Variants in FRMD6 observed in about 807,000 individuals in gnomAD.
The protein encoded by FRMD6 is FERM domain containing 6, also known as FERM domain-containing protein 6.
In FRMD6, 37 loss-of-function variants were observed where a neutral mutation model predicts 73.2. The observed-to-expected ratio is 0.51, with a 90% CI of 0.39 to 0.66. The LOEUF is 0.66. FRMD6 is among the 30% of genes least tolerant of loss of function. The pLI is 0.00. For missense variants in FRMD6, 714 were observed against 780.5 expected, an observed-to-expected ratio of 0.91 and a Z score of 1.02; for synonymous variants, 273 against 282.2, an observed-to-expected ratio of 0.97 and a Z score of 0.33.
chr14:51,626,826 A>G (rs1891133282), intron 2 of FRMD6, among the ~76,000 whole-genome samples: 1 of 152,198 alleles, frequency 6.6e-6, no homozygotes, highest in South Asian at 2.1e-4. Context: ...CTTCAGAGTC[A>G]TTGTGAAGAT....
At chr14:51,511,614 T>C (rs1248978011) in intron 1 of FRMD6, among the ~76,000 whole-genome samples, 1 of 152,064 alleles carries the variant, frequency 6.6e-6, no homozygotes, top group Non-Finnish European at 1.5e-5. Context: ...AAAAGATTGA[T>C]TAAGAACACA....
chr14:51,517,092 T>C (rs1331549398), intron 1 of FRMD6, among the ~76,000 whole-genome samples: 2 of 152,262 alleles, frequency 1.3e-5, no homozygotes, highest in East Asian at 1.9e-4. Context: ...AGCTTTGTTG[T>C]ATACTTTAAG....
chr14:51,436,280 G>T, the FRMD6 span: 1 of 368,408 alleles, frequency 2.7e-6, no homozygotes, highest in South Asian at 3.1e-5. Flanking sequence ...AATTTTCTCA[G>T]AAGAGGTCAG....
intron 2 of FRMD6, among the ~76,000 whole-genome samples, chr14:51,634,035 A>G (rs1377478672): frequency 6.6e-6 from 1 of 152,236 alleles, no homozygotes; most frequent in African/African-American, 2.4e-5. Context: ...TGCAAAAAGC[A>G]GATCAACGAC....
At chr14:51,518,213 G>A (rs193191165) in intron 1 of FRMD6, among the ~76,000 whole-genome samples, 4 of 152,288 alleles carry the variant, frequency 2.6e-5, no homozygotes, top group Middle Eastern at 3.4e-3. Context: ...GAATCAAAGT[G>A]TACCATGAAG....
At chr14:51,702,480 A>T in intron 4 of FRMD6, 32 bp from the exon 5 acceptor site, 1 of 1,580,600 alleles carries the variant, frequency 6.3e-7, no homozygotes, top group Non-Finnish European at 8.6e-7. Context: ...AACTAGAAAT[A>T]GCTTGATTTT....
chr14:51,693,775 G>A (rs1481644675), intron 2 of FRMD6, among the ~76,000 whole-genome samples: 1 of 152,106 alleles, frequency 6.6e-6, no homozygotes, highest in Non-Finnish European at 1.5e-5. Context: ...TTATTTCAGG[G>A]CAGGTCTAAG....
At chr14:51,580,747 A>G (rs1031845973) in intron 2 of FRMD6, among the ~76,000 whole-genome samples, 4 of 152,226 alleles carry the variant, frequency 2.6e-5, no homozygotes, top group African/African-American at 9.6e-5. Flanking sequence ...AAGAGGAAAG[A>G]TAGTTAAAAG....
At chr14:51,596,845 G>A (rs1889744874) in intron 2 of FRMD6, among the ~76,000 whole-genome samples, 1 of 152,186 alleles carries the variant, frequency 6.6e-6, no homozygotes, top group Non-Finnish European at 1.5e-5. Flanking sequence ...GAGAAGCCAT[G>A]CAATGACCAG....
chr14:51,633,621 A>AAAG (rs143710280), intron 2 of FRMD6, among the ~76,000 whole-genome samples: 26,809 of 98,152 alleles, frequency 0.27, 5,653 homozygotes, highest in Non-Finnish European at 0.34. Flanking sequence ...AAAAAAAAAA[A>AAAG]GAAATAATTA....
chr14:51,700,830 A>T (rs886349828), intron 3 of FRMD6, among the ~76,000 whole-genome samples: 1 of 151,946 alleles, frequency 6.6e-6, no homozygotes, highest in African/African-American at 2.4e-5. Context: ...ATATACTTTA[A>T]TAGTATGTGT....
In FRMD6 at chr14:51,728,557, G is replaced by A. The variant is rs1898109777; in HGVS notation, c.*528G>A. 1 of 157,298 alleles carries A rather than the reference G, an allele frequency of 6.4e-6. No homozygotes were observed. Among genetic ancestry groups the A allele is most frequent in the Non-Finnish European group, 1.4e-5 (1 of 70,456 alleles). The allele number at this position is 157,298 out of a possible 1,614,324, so 9.7% of individuals were successfully genotyped here. ...GTCCCAAAGTGAACACTGATGGAGT[G>A]GTCAAAATCATAAGGTTGTAGCAAG... On this transcript the variant is annotated 3_prime_UTR_variant, in exon 14 of 14. Coordinates refer to ENST00000344768, the MANE Select transcript of FRMD6 (RefSeq NM_001267046.2).
At chr14:51,673,061 A>G (rs991023264) in intron 1 of FRMD6, among the ~76,000 whole-genome samples, 1 of 152,138 alleles carries the variant, frequency 6.6e-6, no homozygotes, top group Non-Finnish European at 1.5e-5. Flanking sequence ...AACCTTCTAT[A>G]GAGTTGGTTC....
intron 1 of FRMD6, among the ~76,000 whole-genome samples, chr14:51,528,966 T>C (rs887308334): frequency 1.3e-5 from 2 of 152,156 alleles, no homozygotes; most frequent in Non-Finnish European, 2.9e-5. Context: ...GTTAACTTAA[T>C]TGGAAAGCAT....
At chr14:51,424,826 A>G in the FRMD6 span, among the ~76,000 whole-genome samples, 1 of 152,246 alleles carries the variant, frequency 6.6e-6, no homozygotes, top group Admixed American at 6.5e-5. Flanking sequence ...GAAGTGTGAG[A>G]AAAAGCAGCT....
At chr14:51,549,739 G>T (rs1270767187) in intron 1 of FRMD6, among the ~76,000 whole-genome samples, 3 of 151,784 alleles carry the variant, frequency 2.0e-5, no homozygotes, top group Non-Finnish European at 2.9e-5. Flanking sequence ...GGGACTACAG[G>T]CGCCCGCCGC....
Position 51,708,114 on chromosome 14 carries a change from C to T in FRMD6, c.595C>T (p.His199Tyr). The T allele has an allele frequency of 5.0e-6, 8 of 1,613,280 alleles. No individual in the cohort carries two copies. The highest frequency in any genetic ancestry group is 6.8e-6 in the Non-Finnish European group (8 of 1,179,482). The change falls in exon 7 of 14, where the codon CAC (histidine) becomes TAC (tyrosine). Residue 199 changes from histidine to tyrosine, a missense_variant. His to Tyr is a moderately conservative substitution (Grantham distance 83). Transcript: ENST00000344768. ...GAGGGGGAAGGACTACATCCTGAAG[C>T]ACATTCCAAACATGCACAAAGATCA... ...SKRGKDYILK[H>Y]IPNMHKDQFA...
intron 1 of FRMD6, among the ~76,000 whole-genome samples, chr14:51,570,050 C>T (rs1468635997): frequency 2.6e-5 from 4 of 151,918 alleles, no homozygotes; most frequent in African/African-American, 9.7e-5. Context: ...CTCCTGACCT[C>T]GTGATCTGCC....
chr14:51,535,307 CTT>C (rs1216028897), intron 1 of FRMD6, among the ~76,000 whole-genome samples: 1 of 152,122 alleles, frequency 6.6e-6, no homozygotes, highest in Non-Finnish European at 1.5e-5. Context: ...TTTTAGAACA[CTT>C]TTACCACCTC....
Sources: allele counts gnomAD v4.1 joint callset (sites outside exome capture counted in the v4.1 genomes callset), GRCh38; gene constraint gnomAD v4.1.1; transcripts MANE v1.5; gene names NCBI Gene and HGNC (gene_info 2026-07-23, HGNC 2026-07-21).